Variants in PVT1 observed in about 807,000 individuals in gnomAD.
The protein encoded by PVT1 is CXCR4/PVT1 fusion.
intron 3 of PVT1, among the ~76,000 whole-genome samples, chr8:127,936,201 A>G (rs1816272462): frequency 6.6e-6 from 1 of 151,570 alleles, no homozygotes; most frequent in African/African-American, 2.4e-5. Context: ...ACAGACATGC[A>G]CCACCCACGC....
chr8:127,896,778 C>G (rs865901752), intron 3 of PVT1, among the ~76,000 whole-genome samples: 7 of 130,728 alleles, frequency 5.4e-5, no homozygotes, highest in South Asian at 2.4e-4. Context: ...CTTTCCTCCC[C>G]CCCCCCGCCC....
intron 3 of PVT1, among the ~76,000 whole-genome samples, chr8:127,958,027 A>T (rs930926683): frequency 1.3e-5 from 2 of 152,234 alleles, no homozygotes; most frequent in African/African-American, 4.8e-5. Flanking sequence ...AACAGAAAGC[A>T]GAGAGGCACA....
intron 4 of PVT1, among the ~76,000 whole-genome samples, chr8:128,045,924 T>C (rs1813607206): frequency 6.6e-6 from 1 of 152,176 alleles, no homozygotes; most frequent in African/African-American, 2.4e-5. Context: ...GATTTTGATT[T>C]TGTCTGAAAT....
At chr8:127,987,749 C>G (rs1248091834) in intron 3 of PVT1, among the ~76,000 whole-genome samples, 1 of 152,222 alleles carries the variant, frequency 6.6e-6, no homozygotes, top group Admixed American at 6.5e-5. Flanking sequence ...CCACCGTCAA[C>G]CAAGAGGCTG....
intron 2 of PVT1, among the ~76,000 whole-genome samples, chr8:127,845,618 T>A (rs180890852): frequency 8.3e-4 from 127 of 152,342 alleles, no homozygotes; most frequent in Non-Finnish European, 1.4e-3. Flanking sequence ...TCAACATTAT[T>A]GTCTTCCACC....
chr8:127,828,951 A>G (rs1379603402), intron 2 of PVT1, among the ~76,000 whole-genome samples: 1 of 152,184 alleles, frequency 6.6e-6, no homozygotes, highest in African/African-American at 2.4e-5. Flanking sequence ...GACAAGCATA[A>G]TAATAATGAT....
At chr8:127,824,400 T>G (rs936347946) in intron 2 of PVT1, among the ~76,000 whole-genome samples, 1 of 152,118 alleles carries the variant, frequency 6.6e-6, no homozygotes, top group Non-Finnish European at 1.5e-5. Context: ...TCAAGTGATC[T>G]GCCTACTTTG....
At chr8:127,928,610 C>T (rs1333440701) in intron 3 of PVT1, among the ~76,000 whole-genome samples, 2 of 152,234 alleles carry the variant, frequency 1.3e-5, no homozygotes, top group African/African-American at 4.8e-5. Flanking sequence ...TGCTAACCAC[C>T]ATCACCCCAC....
At chr8:128,015,054 G>GATTTATTTATTTATTT (rs59316636) in intron 4 of PVT1, among the ~76,000 whole-genome samples, 6 of 145,992 alleles carry the variant, frequency 4.1e-5, no homozygotes, top group Non-Finnish European at 7.5e-5. Flanking sequence ...AAGAGAAATA[G>GATTTATTTATTTATTT]ATTTATTTAT....
At chr8:127,941,244 T>G (rs1297456305) in intron 3 of PVT1, among the ~76,000 whole-genome samples, 2 of 152,236 alleles carry the variant, frequency 1.3e-5, no homozygotes, top group Admixed American at 1.3e-4. Context: ...GATTATCTAA[T>G]TTTAAGGATT....
intron 4 of PVT1, among the ~76,000 whole-genome samples, chr8:128,034,644 C>T (rs747153473): frequency 6.6e-6 from 1 of 152,198 alleles, no homozygotes; most frequent in Non-Finnish European, 1.5e-5. Context: ...AGCAGGGGCA[C>T]CCTTAGTTCA....
intron 2 of PVT1, among the ~76,000 whole-genome samples, chr8:127,857,422 C>G (rs1004676267): frequency 1.3e-5 from 2 of 152,040 alleles, no homozygotes; most frequent in Admixed American, 6.6e-5. Context: ...CCTGTAATCC[C>G]AGCACTTTTA....
intron 2 of PVT1, among the ~76,000 whole-genome samples, chr8:127,819,480 A>C (rs144080314): frequency 1.3e-5 from 2 of 152,328 alleles, no homozygotes; most frequent in Non-Finnish European, 2.9e-5. Flanking sequence ...CAGAGAGATA[A>C]GTGTCTTCCC....
rs193181039 is a variant in PVT1, at chr8:127,840,284, G to A, written n.372+44213G>A. Among the ~76,000 whole-genome samples, 4 of 152,312 alleles carry A rather than the reference G, an allele frequency of 2.6e-5. No homozygotes were observed. In the East Asian group the frequency reaches 7.7e-4, roughly 29 times the overall value. ...GTCACCCCTTCCTCTCCCTTTCTCA[G>A]GATGAGTGCTGAGGAGGAAAAGGCC... On this transcript the variant is annotated intron_variant and non_coding_transcript_variant, in intron 2 of 10. Coordinates refer to ENST00000651587, the Ensembl canonical transcript of PVT1.
chr8:128,051,548 T>G (rs1813695522), intron 4 of PVT1, among the ~76,000 whole-genome samples: 1 of 152,230 alleles, frequency 6.6e-6, no homozygotes, highest in Non-Finnish European at 1.5e-5. Context: ...TCTCCTCTGC[T>G]TTTATTCCTC....
intron 4 of PVT1, among the ~76,000 whole-genome samples, chr8:128,027,462 T>C (rs1813320655): frequency 6.6e-6 from 1 of 152,314 alleles, no homozygotes; most frequent in Non-Finnish European, 1.5e-5. Context: ...CATGCACTGA[T>C]GGGCTTGACT....
At chr8:127,835,959 T>A (rs1299371905) in intron 2 of PVT1, among the ~76,000 whole-genome samples, 1 of 152,154 alleles carries the variant, frequency 6.6e-6, no homozygotes, top group Non-Finnish European at 1.5e-5. Flanking sequence ...CCTGACACCC[T>A]TCCCTGGGCA....
rs540824237 is a variant in PVT1, at chr8:127,876,312, G to T, written n.373-14277G>T. Among the ~76,000 whole-genome samples the T allele has an allele frequency of 2.0e-4, 31 of 152,146 alleles. No homozygotes were observed. In the South Asian group the frequency reaches 6.2e-3, roughly 31 times the overall value. ...TGTGGTTTCACACTTGGTTTGCTAT[G>T]AATGCTGTAATGCCACCCAGTTCCC... is the stretch of plus-strand genomic sequence containing the variant. On this transcript the variant is annotated intron_variant and non_coding_transcript_variant, in intron 2 of 10. Transcript: ENST00000651587.
At chr8:128,084,687 A>C (rs982349518) in intron 5 of PVT1, among the ~76,000 whole-genome samples, 1 of 152,252 alleles carries the variant, frequency 6.6e-6, no homozygotes, top group African/African-American at 2.4e-5. Flanking sequence ...TATAGCTGAC[A>C]GAATTCTAAG....
Sources: allele counts gnomAD v4.1 joint callset (sites outside exome capture counted in the v4.1 genomes callset), GRCh38; gene constraint gnomAD v4.1.1; transcripts MANE v1.5; gene names NCBI Gene and HGNC (gene_info 2026-07-23, HGNC 2026-07-21).